Variants in DND1 observed in about 807,000 individuals in gnomAD.
DND1 encodes DND microRNA-mediated repression inhibitor 1.
In DND1, 6 loss-of-function variants were observed where a neutral mutation model predicts 30.4. The observed-to-expected ratio is 0.20, with a 90% CI of 0.11 to 0.39. DND1 has a LOEUF of 0.39. DND1 is among the 10% of genes least tolerant of loss of function. The pLI is 1.00. For synonymous variants in DND1, 178 were observed against 210.4 expected (o/e 0.85, Z 1.33); for missense variants, 358 against 474.9 (o/e 0.75, Z 2.29).
intron 2 of DND1, 147 bp from the exon 3 acceptor site, chr5:140,673,053 G>T: frequency 9.4e-7 from 1 of 1,060,864 alleles, no homozygotes; most frequent in South Asian, 1.4e-5. Context: ...GGCATAATTA[G>T]GTGACTGCGC....
At chr5:140,672,941 C>A in intron 2 of DND1, 35 bp from the exon 3 acceptor site, 3 of 1,534,934 alleles carry the variant, frequency 2.0e-6, no homozygotes, top group Non-Finnish European at 2.6e-6. Context: ...CACCGTCAGG[C>A]GACGCTTTCG....
At position 140,672,570 on chromosome 5, in the gene DND1, G is replaced by T; in HGVS notation, c.479C>A (p.Pro160Gln). 1 of 1,581,884 alleles carries T rather than the reference G, an allele frequency of 6.3e-7. No homozygotes were observed. ...CGCCTCCTGCAAGCCGGGACCCAGCGGCTGCAGCGCGAGCAGCAGCGCGCT... is the reference window on the plus strand; with the variant it reads ...CGCCTCCTGCAAGCCGGGACCCAGCTGCTGCAGCGCGAGCAGCAGCGCGCT... ...TRSALLLALQ[P>Q]LGPGLQEARL... The change falls in exon 3 of 4, where the codon CCG becomes CAG. Residue 160 changes from proline (P) to glutamine (Q), a missense_variant. Physicochemically the swap from Pro to Gln is moderately conservative, Grantham distance 76. This residue lies in a region of DND1 where 62 missense variants were observed against 40.6 expected (regional missense o/e 1.53). Coordinates refer to ENST00000542735, the MANE Select transcript of DND1 (RefSeq NM_194249.3).
rs778776058 is a variant in DND1, at chr5:140,671,479, C to T, written c.876G>A (p.Val292=). ...AGGGCACCGGATGCCCAGGAATCAC[C>T]ACCTGGTACCAGAAGCGGTGCCAGC... ...PAGWHRFWYQ[V]VIPGHPVPFS... Residue 292 remains valine (V), a synonymous_variant, in exon 4 of 4, where the codon GTG becomes GTA. Coordinates refer to ENST00000542735, the MANE Select transcript of DND1 (RefSeq NM_194249.3). The T allele has an allele frequency of 2.8e-5, 45 of 1,604,170 alleles. No individual in the cohort carries two copies. Among genetic ancestry groups the T allele is most frequent in the Non-Finnish European group, 3.7e-5 (44 of 1,176,848 alleles).
At chr5:140,671,834 C>A (rs1426020679) in intron 3 of DND1, 84 bp from the exon 4 acceptor site, 1 of 1,423,746 alleles carries the variant, frequency 7.0e-7, no homozygotes, top group Non-Finnish European at 9.7e-7. Context: ...GCTACACAGT[C>A]CTGTTATTTG....
rs779400219 is a variant in DND1, at chr5:140,672,536, C to G, written c.513G>C (p.Leu171=). The G allele has an allele frequency of 2.5e-6, 4 of 1,589,768 alleles. No homozygotes were observed. In the East Asian group the frequency reaches 9.1e-5, roughly 36 times the overall value. ...GCCCGGGCGCCGGTCCGGGGCTGGG[C>G]AGCAGCCGCGCCTCCTGCAAGCCGG... ...LGPGLQEARL[L]PSPGPAPGQI... is the part of the protein sequence containing the mutation. The change falls in exon 3 of 4, where the codon CTG becomes CTC. Residue 171 remains leucine, a synonymous_variant. Transcript: ENST00000542735.
intron 2 of DND1, 112 bp from the exon 3 acceptor site, chr5:140,673,018 G>A: frequency 6.4e-6 from 8 of 1,243,212 alleles, no homozygotes; most frequent in South Asian, 1.3e-5. Flanking sequence ...TGTGAAATGG[G>A]TTTACACCCG....
rs775582051 is a variant in DND1 at position 140,671,364 on chromosome 5, C to A, written c.991G>T (p.Ala331Ser). The A allele has an allele frequency of 1.2e-6, 2 of 1,612,822 alleles. No individual in the cohort carries two copies. The highest frequency in any genetic ancestry group is 1.7e-5 in the Admixed American group (1 of 60,024). Residue 331 changes from alanine to serine, a missense_variant, in exon 4 of 4, where the codon GCA becomes TCA. This residue lies in a region of DND1 where 176 missense variants were observed against 235.2 expected (regional missense o/e 0.75). Transcript: ENST00000542735. The stretch of plus-strand genomic sequence containing the variant: ...AGGTTGGCCCCAGACTCACTGAGTG[C>A]CTGCAGCAGCCGTACAGACACAGCA... ...KDAVSVRLLQ[A>S]LSESGANLLW...
Position 140,673,329 on chromosome 5 carries a change from C to T in DND1, c.84G>A (p.Glu28=). ...TCACCTGCACCAGGCGGATGCCTGT[C>T]TCCCTGACCCACGCCTCCAGCGCCG... The part of the protein sequence containing the change: ...NKAALEAWVR[E]TGIRLVQVNG... Residue 28 remains glutamate, a synonymous_variant, in exon 2 of 4, where the codon GAG becomes GAA. Transcript: ENST00000542735. The T allele has an allele frequency of 6.2e-7, 1 of 1,614,144 alleles. No homozygotes were observed. Among genetic ancestry groups the T allele is most frequent in the Non-Finnish European group, 8.5e-7 (1 of 1,180,008 alleles).
Position 140,671,208 on chromosome 5 carries a change from G to C in DND1, c.*85C>G, listed in dbSNP as rs897685205. 6.3e-7 allele frequency: 1 copy of C among 1,575,924 alleles called. No homozygotes were observed. The highest frequency in any genetic ancestry group is 1.1e-5 in the South Asian group (1 of 89,866). On this transcript the variant is annotated 3_prime_UTR_variant, in exon 4 of 4. Coordinates refer to ENST00000542735, the MANE Select transcript of DND1 (RefSeq NM_194249.3). ...TGCCCCTCCCCACCTTTGGGGGTCA[G>C]AAAGTGGCCACCCAGGCCTGCTGGG... is the stretch of plus-strand genomic sequence containing the variant.
Position 140,671,159 on chromosome 5 carries a change from G to A in DND1, c.*134C>T. The A allele has an allele frequency of 8.7e-7, 1 of 1,155,478 alleles. No homozygotes were observed. The highest frequency in any genetic ancestry group is 2.0e-5 in the Admixed American group (1 of 51,198). 71.6% of individuals were successfully genotyped at this position (1,155,478 alleles called of 1,614,324 possible). ...GGTGCCATAGGTCCCTGTCCCAGCA[G>A]GGAGGCTGATGGGCCTGGGCCCATG... On this transcript the variant is annotated 3_prime_UTR_variant, in exon 4 of 4. Transcript: ENST00000542735.
At chr5:140,672,120 T>TA (rs1026435952) in intron 3 of DND1, 1 of 545,044 alleles carries the variant, frequency 1.8e-6, no homozygotes, top group African/African-American at 1.9e-5. Flanking sequence ...TCTATAGTAG[T>TA]AAAAAGCTCA....
In DND1 at chr5:140,672,883, C is replaced by G. The variant is rs773335514; in HGVS notation, c.166G>C (p.Ala56Pro). 2 of 1,539,152 alleles carry G rather than the reference C, an allele frequency of 1.3e-6. No individual in the cohort carries two copies. The highest frequency in any genetic ancestry group is 2.4e-5 in the South Asian group (2 of 84,250). ...CGCCCGATGAACACCTCTGACCCAG[C>G]TGGCGGCGGGCTGCCCACCCAGCCT... is the stretch of plus-strand genomic sequence containing the variant. Reference protein sequence around the residue: ...PPGWVGSPPPAGSEVFIGRLP... With the variant: ...PPGWVGSPPPPGSEVFIGRLP... Residue 56 changes from alanine to proline, a missense_variant, in exon 3 of 4, where the codon GCT (alanine) becomes CCT (proline). Physicochemically the swap from Ala to Pro is conservative, Grantham distance 27. Around this residue, in one of 3 missense-constraint regions of DND1, gnomAD observed 120 missense variants for 199.1 expected, o/e 0.60. Transcript: ENST00000542735.
chr5:140,673,550 C>T lies in DND1; in HGVS notation c.-8G>A, dbSNP rs374423440. The T allele has an allele frequency of 6.4e-7, 1 of 1,574,256 alleles. No homozygotes were observed. The highest frequency in any genetic ancestry group is 8.6e-7 in the Non-Finnish European group (1 of 1,159,218). On this transcript the variant is annotated 5_prime_UTR_variant, in exon 1 of 4. Transcript: ENST00000542735. ...ATCCCGCTTGGACTGCATGGCTCTC[C>T]AGCTGGCCCCCTCGTACCCTCTTTA... is the stretch of plus-strand genomic sequence containing the variant.
At position 140,672,552 on chromosome 5, in the gene DND1, T is replaced by C. The variant is rs747486447; in HGVS notation, c.497A>G (p.Gln166Arg). 1.3e-6 allele frequency: 2 copies of C among 1,587,338 alleles called. No individual in the cohort carries two copies. Among genetic ancestry groups the C allele is most frequent in the Non-Finnish European group, 1.7e-6 (2 of 1,171,956 alleles). The change falls in exon 3 of 4, where the codon CAG (glutamine) becomes CGG (arginine). Residue 166 changes from glutamine (Q) to arginine (R), a missense_variant. Around this residue, in one of 3 missense-constraint regions of DND1, gnomAD observed 62 missense variants for 40.6 expected, o/e 1.53. Coordinates refer to ENST00000542735, the MANE Select transcript of DND1 (RefSeq NM_194249.3). ...GGGGCTGGGCAGCAGCCGCGCCTCC[T>C]GCAAGCCGGGACCCAGCGGCTGCAG... The part of the protein sequence containing the change: ...LALQPLGPGL[Q>R]EARLLPSPGP...
In DND1 at chr5:140,671,528, T is replaced by G; in HGVS notation, c.827A>C (p.Lys276Thr). ...GCCAGCAGGTCCTATGCCCAAACAC[T>G]TGGTGAGGAACACAGGGCTGCCCAG... The part of the protein sequence containing the change: ...MKLGSPVFLT[K>T]CLGIGPAGWH... Residue 276 changes from lysine to threonine, a missense_variant, in exon 4 of 4, where the codon AAG becomes ACG. Coordinates refer to ENST00000542735, the MANE Select transcript of DND1 (RefSeq NM_194249.3). 1.3e-6 allele frequency: 2 copies of G among 1,576,032 alleles called. No individual in the cohort carries two copies. The highest frequency in any genetic ancestry group is 1.7e-6 in the Non-Finnish European group (2 of 1,162,624).
chr5:140,672,317 C>A, intron 3 of DND1, 128 bp downstream of exon 3: 1 of 1,028,860 alleles, frequency 9.7e-7, no homozygotes, highest in Non-Finnish European at 1.4e-6. Context: ...AATCTGAGAT[C>A]AAATAGTAAA....
At position 140,673,320 on chromosome 5, in the gene DND1, G is replaced by T. The variant is rs1428054256; in HGVS notation, c.93C>A (p.Ile31=). The T allele has an allele frequency of 1.2e-6, 2 of 1,614,004 alleles. No individual in the cohort carries two copies. The highest frequency in any genetic ancestry group is 1.7e-6 in the Non-Finnish European group (2 of 1,180,006). ...ALEAWVRETG[I]RLVQVNGQRK... ...TCTGCCCGTTCACCTGCACCAGGCG[G>T]ATGCCTGTCTCCCTGACCCACGCCT... The change falls in exon 2 of 4, where the codon ATC becomes ATA. Residue 31 remains isoleucine (I), a synonymous_variant. Coordinates refer to ENST00000542735, the MANE Select transcript of DND1 (RefSeq NM_194249.3).
Position 140,672,600 on chromosome 5 carries a change from G to C in DND1, c.449C>G (p.Thr150Ser). The change falls in exon 3 of 4, where the codon ACC (threonine) becomes AGC (serine). Residue 150 changes from threonine (T) to serine (S), a missense_variant. Thr to Ser is a moderately conservative substitution (Grantham distance 58). This residue lies in a region of DND1 where 62 missense variants were observed against 40.6 expected (regional missense o/e 1.53). Transcript: ENST00000542735. ...LSVDGLPPNLTRSALLLALQP... is the reference protein window; with the variant it reads ...LSVDGLPPNLSRSALLLALQP... ...CAGCGCGAGCAGCAGCGCGCTGCGG[G>C]TCAGATTCGGCGGCAGGCCGTCAAC... 2 of 1,573,076 alleles carry C rather than the reference G, an allele frequency of 1.3e-6. No homozygotes were observed. Among genetic ancestry groups the C allele is most frequent in the Non-Finnish European group, 1.7e-6 (2 of 1,166,638 alleles).
In DND1 at chr5:140,671,336, A is replaced by AG. The variant is rs749518753; in HGVS notation, c.1018dup (p.Leu340ProfsTer7). On this transcript the variant is annotated frameshift_variant, in exon 4 of 4. Transcript: ENST00000542735. LOFTEE classifies it high-confidence loss of function. ...ACCTGCCTCAGCCCCAGCAGACCAC[A>AG]GGAGGTTGGCCCCAGACTCACTGAG... The AG allele has an allele frequency of 6.2e-7, 1 of 1,612,892 alleles. No homozygotes were observed. The highest frequency in any genetic ancestry group is 1.3e-5 in the African/African-American group (1 of 75,054).
Sources: gnomAD v4.1 joint callset for allele counts on GRCh38, gnomAD v4.1.1 for gene constraint, gnomAD v4.1.1 regional missense constraint, MANE v1.5 for transcripts, NCBI Gene and HGNC (gene_info 2026-07-23, HGNC 2026-07-21) for gene names.